The following DOCK1 variants were observed in gnomAD, a reference collection of about 807,000 sequenced individuals.
DOCK1 encodes the protein dedicator of cytokinesis 1.
Under a neutral mutation model 262.7 loss-of-function variants are expected in DOCK1, and 138 were observed. That is an observed-to-expected ratio of 0.53 (90% confidence interval 0.46 to 0.61). The LOEUF is 0.61. Ranked by LOEUF, DOCK1 falls within the 20% of genes least tolerant of loss-of-function variation. The pLI, the probability that DOCK1 is intolerant of heterozygous loss-of-function variation, is 0.00. For synonymous variants in DOCK1, 866 were observed against 867.4 expected (o/e 1.00, Z 0.03); for missense variants, 1,908 against 2,370.7 (o/e 0.80, Z 4.05).
intron 25 of DOCK1, among the ~76,000 whole-genome samples, chr10:127,117,023 TTC>T (rs1169836495): frequency 6.6e-6 from 1 of 152,244 alleles, no homozygotes; most frequent in Non-Finnish European, 1.5e-5. Flanking sequence ...CTGTATATCA[TTC>T]TCTGTCTTTC....
intron 23 of DOCK1, among the ~76,000 whole-genome samples, chr10:127,081,154 G>A (rs1057192055): frequency 6.6e-6 from 1 of 152,128 alleles, no homozygotes; most frequent in African/African-American, 2.4e-5. Context: ...ATCAGCTGAT[G>A]TTCACCTTCT....
Position 127,384,913 on chromosome 10 carries a change from A to G in DOCK1, c.3927+4A>G, listed in dbSNP as rs1311488808. 2 of 1,588,784 alleles carry G rather than the reference A, an allele frequency of 1.3e-6. No homozygotes were observed. The highest frequency in any genetic ancestry group is 1.9e-5 in the Admixed American group (1 of 53,950). On this transcript the variant is annotated splice_donor_region_variant and intron_variant, in intron 38 of 51. Coordinates refer to ENST00000623213, the MANE Select transcript of DOCK1 (RefSeq NM_001290223.2). ...CCACTACTTCGACAAAGGCAAGGTA[A>G]AACACAAAAAGCAATTGTCCTTGTT...
chr10:127,343,377 C>T (rs2063508037), intron 30 of DOCK1, among the ~76,000 whole-genome samples: 1 of 152,150 alleles, frequency 6.6e-6, no homozygotes, highest in Non-Finnish European at 1.5e-5. Flanking sequence ...ACATTTTATC[C>T]ATGAGGAAAC....
chr10:127,041,893 C>T (rs531342800), intron 19 of DOCK1, among the ~76,000 whole-genome samples: 11 of 152,222 alleles, frequency 7.2e-5, no homozygotes, highest in African/African-American at 2.2e-4. Context: ...TCTTCTAATA[C>T]GAATCATCAC....
chr10:126,937,922 C>T (rs2034663767), intron 1 of DOCK1, among the ~76,000 whole-genome samples: 1 of 152,094 alleles, frequency 6.6e-6, no homozygotes, highest in Non-Finnish European at 1.5e-5. Context: ...AAATAATTGC[C>T]AAATCCAGTG....
At chr10:127,161,070 A>G (rs1328079399) in intron 27 of DOCK1, among the ~76,000 whole-genome samples, 2 of 152,176 alleles carry the variant, frequency 1.3e-5, no homozygotes, top group Non-Finnish European at 2.9e-5. Flanking sequence ...TTTGAGAGCC[A>G]CTCTGAGCAG....
chr10:127,409,006 G>A (rs1488491334), intron 40 of DOCK1, 31 bp from the exon 41 acceptor site: 1 of 1,562,390 alleles, frequency 6.4e-7, no homozygotes, highest in African/African-American at 1.4e-5. Context: ...CTTTCTCTGT[G>A]GTGTTATGAA....
At position 127,160,757 on chromosome 10, in the gene DOCK1, C is replaced by T. The variant is rs74158628; in HGVS notation, c.2847+32993C>T. Reference sequence around the variant, plus strand: ...AGATATAAAAAAGGCATGGTCTCTGCTCTCAAAGAAAATGTTTTTGCCGTT... The same window carrying T: ...AGATATAAAAAAGGCATGGTCTCTGTTCTCAAAGAAAATGTTTTTGCCGTT... On this transcript the variant is annotated intron_variant, in intron 27 of 51. Transcript: ENST00000623213. Among the ~76,000 whole-genome samples, 477 of 152,326 alleles carry T rather than the reference C, an allele frequency of 3.1e-3. 4 individuals are homozygous for T. The highest frequency in any genetic ancestry group is 0.011 in the African/African-American group (458 of 41,578).
chr10:127,227,521 A>G (rs775622849), intron 27 of DOCK1, among the ~76,000 whole-genome samples: 2 of 152,240 alleles, frequency 1.3e-5, no homozygotes, highest in Non-Finnish European at 2.9e-5. Flanking sequence ...ACGTTCCAGT[A>G]GCACTTTAAC....
intron 27 of DOCK1, among the ~76,000 whole-genome samples, chr10:127,157,934 G>A (rs911135500): frequency 6.6e-6 from 1 of 152,116 alleles, no homozygotes; most frequent in African/African-American, 2.4e-5. Context: ...TGTCAATCAG[G>A]GTATGCCTGC....
At chr10:127,411,708 T>C (rs12220067) in intron 43 of DOCK1, among the ~76,000 whole-genome samples, 38,624 of 151,596 alleles carry the variant, frequency 0.25, 5,175 homozygotes, top group African/African-American at 0.33. Context: ...GGCGTGGTGG[T>C]GCACGCCTGT....
chr10:127,386,968 G>T (rs1208835185), intron 38 of DOCK1, among the ~76,000 whole-genome samples: 2 of 152,230 alleles, frequency 1.3e-5, no homozygotes, highest in Non-Finnish European at 2.9e-5. Flanking sequence ...AAGAAATGGA[G>T]CAAATGCAGC....
chr10:126,957,526 C>T (rs2036847946), intron 1 of DOCK1, among the ~76,000 whole-genome samples: 1 of 152,096 alleles, frequency 6.6e-6, no homozygotes, highest in East Asian at 1.9e-4. Flanking sequence ...CACTCTGTCA[C>T]CCAGGCTTGA....
intron 1 of DOCK1, among the ~76,000 whole-genome samples, chr10:126,947,945 GGTGGTGGTGGTTGGT>G (rs2035685342): frequency 3.3e-5 from 5 of 150,468 alleles, no homozygotes; most frequent in Non-Finnish European, 5.9e-5. Flanking sequence ...TGTTGGTGGT[GGTGGTGGTGGTTGGT>G]AGTATTACTG....
intron 14 of DOCK1, among the ~76,000 whole-genome samples, chr10:127,023,953 G>A (rs1210753095): frequency 6.6e-6 from 1 of 152,224 alleles, no homozygotes; most frequent in Non-Finnish European, 1.5e-5. Flanking sequence ...GCTCATGACA[G>A]CCAGAGCTCT....
intron 27 of DOCK1, among the ~76,000 whole-genome samples, chr10:127,171,005 A>G (rs1298554452): frequency 6.6e-6 from 1 of 152,186 alleles, no homozygotes; most frequent in East Asian, 1.9e-4. Context: ...TCCCACTGAA[A>G]TGCTCGTAAC....
chr10:127,385,284 A>C (rs181560856), intron 38 of DOCK1, among the ~76,000 whole-genome samples: 14 of 152,300 alleles, frequency 9.2e-5, no homozygotes, highest in Non-Finnish European at 1.0e-4. Context: ...ATATTGCTCC[A>C]TCCTGGTGGC....
chr10:127,169,743 C>T (rs144273903), intron 27 of DOCK1, among the ~76,000 whole-genome samples: 1 of 152,296 alleles, frequency 6.6e-6, no homozygotes, highest in African/African-American at 2.4e-5. Context: ...GGAGCTGACC[C>T]TGAGCCCCTG....
intron 22 of DOCK1, among the ~76,000 whole-genome samples, chr10:127,054,183 G>A (rs190654393): frequency 6.6e-6 from 1 of 152,288 alleles, no homozygotes; most frequent in Non-Finnish European, 1.5e-5. Flanking sequence ...GAAGGGGGAA[G>A]AATTCAAAAT....
Sources: allele counts gnomAD v4.1 joint callset (sites outside exome capture counted in the v4.1 genomes callset), GRCh38; gene constraint gnomAD v4.1.1; transcripts MANE v1.5; gene names NCBI Gene and HGNC (gene_info 2026-07-23, HGNC 2026-07-21).